PTAFR: variants seen among roughly 807,000 people sequenced by gnomAD.
PTAFR encodes platelet-activating factor receptor.
Under a neutral mutation model 14.7 loss-of-function variants are expected in PTAFR, and 8 were observed. The observed-to-expected ratio is 0.54, with a 90% CI of 0.32 to 0.98. The LOEUF (loss-of-function observed/expected upper bound fraction) is 0.98, where lower values mean the gene tolerates loss of function less well. Ranked by LOEUF, PTAFR falls within the 50% of genes least tolerant of loss-of-function variation. PTAFR has a pLI of 0.04. For synonymous variants in PTAFR, 156 were observed against 176.5 expected (o/e 0.88, Z 0.92); for missense variants, 337 against 451.2 (o/e 0.75, Z 2.29).
In PTAFR at chr1:28,190,009, G is replaced by A. The variant is rs952146482; in HGVS notation, c.-39+3713C>T. ...TTGAGATGGAGTTTTGCTCTTGTTC[G>A]TTGCCCAGGCTGGAGTGCAGTGGTG... On this transcript the variant is annotated intron_variant, in intron 1 of 1. Coordinates refer to the PTAFR transcript ENST00000305392. Among the ~76,000 whole-genome samples the A allele has an allele frequency of 5.4e-5, 8 of 148,658 alleles. No homozygotes were observed. The East Asian group carries it at 6.0e-4, about 11-fold the overall frequency.
chr1:28,172,714 C>G (rs747326538), intron 1 of PTAFR, among the ~76,000 whole-genome samples: 1 of 152,116 alleles, frequency 6.6e-6, no homozygotes, highest in Non-Finnish European at 1.5e-5. Context: ...TAGAAGCAAC[C>G]GGGGTTAGCC....
intron 1 of PTAFR, among the ~76,000 whole-genome samples, chr1:28,159,826 CA>C (rs374093626): frequency 0.011 from 1,345 of 127,884 alleles, 20 homozygotes; most frequent in African/African-American, 0.032. Context: ...AACTCCGTCT[CA>C]AAAAAAAAAA....
In PTAFR at chr1:28,150,605, C is replaced by G; in HGVS notation, c.417G>C (p.Leu139Phe). Reference sequence around the variant, plus strand: ...CTCCCACAATGGCCACCCAGATGACCAAGGACAAAGAGATGCCACGCTTGC... The same window carrying G: ...CTCCCACAATGGCCACCCAGATGACGAAGGACAAAGAGATGCCACGCTTGC... ...NTRKRGISLS[L>F]VIWVAIVGAA... Residue 139 changes from leucine to phenylalanine, a missense_variant, in exon 2 of 2, where the codon TTG becomes TTC. Physicochemically the swap from Leu to Phe is conservative, Grantham distance 22 (BLOSUM62 0). Coordinates refer to ENST00000373857, the MANE Select transcript of PTAFR (RefSeq NM_000952.5). This position sits in a 1 kb window ranked among gnomAD's most constrained non-coding sequence, Gnocchi z 6.3. The G allele has an allele frequency of 6.2e-7, 1 of 1,614,174 alleles. No individual in the cohort carries two copies. The highest frequency in any genetic ancestry group is 8.5e-7 in the Non-Finnish European group (1 of 1,180,044).
At chr1:28,151,885 T>C (rs1303301079) in intron 1 of PTAFR, among the ~76,000 whole-genome samples, 2 of 152,018 alleles carry the variant, frequency 1.3e-5, no homozygotes, top group Non-Finnish European at 2.9e-5. Flanking sequence ...CTTTTTTCTC[T>C]TCTTTTCTTT....
chr1:28,153,669 C>T (rs1466825168), intron 1 of PTAFR, among the ~76,000 whole-genome samples: 3 of 151,648 alleles, frequency 2.0e-5, no homozygotes, highest in African/African-American at 7.3e-5. Flanking sequence ...GCAGGCACAT[C>T]ACAAGGTCAG....
chr1:28,180,390 T>C (rs1221484913), upstream of PTAFR, among the ~76,000 whole-genome samples: 2 of 151,786 alleles, frequency 1.3e-5, no homozygotes, highest in African/African-American at 4.8e-5. Flanking sequence ...AAAATATATA[T>C]ATATAAAAAA....
At chr1:28,161,032 A>G (rs781623115) in intron 1 of PTAFR, among the ~76,000 whole-genome samples, 1 of 152,128 alleles carries the variant, frequency 6.6e-6, no homozygotes, top group African/African-American at 2.4e-5. Flanking sequence ...TACTTTATTC[A>G]TGCTGTTTCC....
At chr1:28,153,935 T>C (rs1403505131) in intron 1 of PTAFR, among the ~76,000 whole-genome samples, 1 of 151,826 alleles carries the variant, frequency 6.6e-6, no homozygotes, top group Non-Finnish European at 1.5e-5. Flanking sequence ...TTGCCTGTAG[T>C]CCTAGCTACT....
At chr1:28,170,623 G>A (rs1447324484) in intron 1 of PTAFR, among the ~76,000 whole-genome samples, 2 of 152,162 alleles carry the variant, frequency 1.3e-5, no homozygotes, top group African/African-American at 4.8e-5. Context: ...TGAGGCTGCA[G>A]GATCACTTGG....
intron 1 of PTAFR, among the ~76,000 whole-genome samples, chr1:28,162,272 T>C (rs750300505): frequency 6.6e-6 from 1 of 152,132 alleles, no homozygotes; most frequent in Non-Finnish European, 1.5e-5. Flanking sequence ...AAAGTGGCAT[T>C]TTCAATTCCT....
intron 1 of PTAFR, among the ~76,000 whole-genome samples, chr1:28,168,936 GGGATT>G (rs1646422509): frequency 1.3e-5 from 2 of 152,010 alleles, no homozygotes; most frequent in South Asian, 4.1e-4. Context: ...CCAAAGTGCT[GGGATT>G]ACCAGCATGA....
At chr1:28,186,262 G>C (rs2481982) in intron 1 of PTAFR, among the ~76,000 whole-genome samples, 50,452 of 151,764 alleles carry the variant, frequency 0.33, 9,127 homozygotes, top group African/African-American at 0.46. Flanking sequence ...TGGGATTACA[G>C]GCGTGAGCCA....
intron 1 of PTAFR, among the ~76,000 whole-genome samples, chr1:28,161,239 T>C (rs1184603579): frequency 6.6e-6 from 1 of 152,174 alleles, no homozygotes; most frequent in Non-Finnish European, 1.5e-5. Context: ...CCCACTGAAA[T>C]TGCCTCTATG....
At chr1:28,185,956 T>C (rs535362716) in intron 1 of PTAFR, among the ~76,000 whole-genome samples, 4 of 152,342 alleles carry the variant, frequency 2.6e-5, no homozygotes, top group African/African-American at 9.6e-5. Context: ...GGCTTTTTTT[T>C]TGTTTTTTCT....
At chr1:28,182,995 A>G (rs1646574770) in intron 1 of PTAFR, among the ~76,000 whole-genome samples, 1 of 151,644 alleles carries the variant, frequency 6.6e-6, no homozygotes, top group Non-Finnish European at 1.5e-5. Context: ...TCAATTTTTT[A>G]TAATTAAGAA....
chr1:28,154,081 GAAAAAAAAAAAA>G lies in PTAFR; in HGVS notation c.-38-3034_-38-3023del, dbSNP rs71586829. Among the ~76,000 whole-genome samples the G allele has an allele frequency of 1.6e-4, 9 of 55,504 alleles. No homozygotes were observed. In the East Asian group the frequency reaches 3.0e-3, roughly 18 times the overall value. 36.4% of individuals were successfully genotyped at this position (55,504 alleles called of 152,430 possible). A position where few individuals can be genotyped will look rare whatever the true frequency, so the allele number is the denominator to read the frequency against. On this transcript the variant is annotated intron_variant, in intron 1 of 1. Transcript: ENST00000373857. ...GAAAATGGGATGAGACCTTGTCTCA[GAAAAAAAAAAAA>G]AAAAAAAAAAAAAGGGAGTGAGACA...
chr1:28,152,852 T>C (rs1373040162), intron 1 of PTAFR, among the ~76,000 whole-genome samples: 2 of 152,220 alleles, frequency 1.3e-5, no homozygotes, highest in Admixed American at 1.3e-4. Flanking sequence ...ATAGAAGATC[T>C]AGAAGGATAC....
rs184182216 is a variant in PTAFR, at chr1:28,150,490, C to T, written c.532G>A (p.Glu178Lys). The stretch of plus-strand genomic sequence containing the variant: ...ATGAGGACTGGCACGCTGCCCTTCT[C>T]GTAATGCTCAAAGCAGCGAGTGACG... ...GNVTRCFEHYEKGSVPVLIIH... is the reference protein window; with the variant it reads ...GNVTRCFEHYKKGSVPVLIIH... Residue 178 changes from glutamate to lysine, a missense_variant, in exon 2 of 2, where the codon GAG becomes AAG. Physicochemically the swap from Glu to Lys is moderately conservative, Grantham distance 56 (BLOSUM62 1). Transcript: ENST00000373857. The surrounding 1 kb of genome is among the most constrained non-coding windows in gnomAD (Gnocchi z 6.3). 119 of 1,614,198 alleles carry T rather than the reference C, an allele frequency of 7.4e-5. 1 individual carries two copies. The South Asian group carries it at 9.2e-4, about 13-fold the overall frequency.
chr1:28,191,583 GAAA>G (rs1491424098), intron 1 of PTAFR, among the ~76,000 whole-genome samples: 1 of 135,416 alleles, frequency 7.4e-6, no homozygotes, highest in African/African-American at 2.9e-5. Context: ...AAAGAAAAAA[GAAA>G]AGAGAGAGAG....
Sources: allele counts gnomAD v4.1 joint callset (sites outside exome capture counted in the v4.1 genomes callset), GRCh38; gene constraint gnomAD v4.1.1; non-coding constraint Gnocchi (gnomAD v3.1); transcripts MANE v1.5; gene names NCBI Gene and HGNC (gene_info 2026-07-23, HGNC 2026-07-21).